ANKFN1: variants seen among roughly 807,000 people sequenced by gnomAD.
The protein encoded by ANKFN1 is ankyrin repeat and fibronectin type III domain containing 1, also known as ankyrin repeat and fibronectin type-III domain-containing protein 1.
In ANKFN1, 74 loss-of-function variants were observed where a neutral mutation model predicts 108.7. That is an observed-to-expected ratio of 0.68 (90% CI 0.56 to 0.83). ANKFN1 has a LOEUF of 0.83. Among genes scored for constraint, ANKFN1 ranks in the 40% least tolerant of loss-of-function variants. ANKFN1 has a pLI of 0.00. For missense variants in ANKFN1, 1,505 were observed against 1,382.3 expected, an observed-to-expected ratio of 1.09 and a Z score of -1.41; for synonymous variants, 547 against 516.2, an observed-to-expected ratio of 1.06 and a Z score of -0.81.
chr17:56,365,679 T>G (rs950881687), intron 6 of ANKFN1, among the ~76,000 whole-genome samples: 8 of 152,176 alleles, frequency 5.3e-5, no homozygotes. Flanking sequence ...CCCATAAAAT[T>G]ATAAGGCAGC....
At chr17:56,095,145 A>G (rs1331704125) in intron 4 of ANKFN1, among the ~76,000 whole-genome samples, 1 of 151,066 alleles carries the variant, frequency 6.6e-6, no homozygotes. Flanking sequence ...CTACATCAAC[A>G]CTTGCCCAAA....
At chr17:56,388,629 TC>T (rs2047342543) in intron 8 of ANKFN1, among the ~76,000 whole-genome samples, 1 of 152,206 alleles carries the variant, frequency 6.6e-6, no homozygotes, top group South Asian at 2.1e-4. Flanking sequence ...TGATTATATT[TC>T]CTTTTCCATG....
At chr17:56,087,895 C>T (rs9902097) in intron 4 of ANKFN1, among the ~76,000 whole-genome samples, 7,066 of 151,212 alleles carry the variant, frequency 0.047, 716 homozygotes, top group African/African-American at 0.16. Context: ...AGTTTGCTGA[C>T]CTCTTCCCTG....
intron 3 of ANKFN1, among the ~76,000 whole-genome samples, chr17:56,309,199 A>G (rs1437602805): frequency 1.3e-5 from 2 of 152,062 alleles, no homozygotes; most frequent in African/African-American, 2.4e-5. Context: ...ACTTTTTTTG[A>G]TGTTTCTAAA....
chr17:56,515,276 T>A lies in ANKFN1; in HGVS notation c.*4007T>A, dbSNP rs1363632904. ...CTTGGTATATGTGCTTATTAAGCTATCACATACCAATTAGAGAAGGTAGCT... is the reference window on the plus strand; with the variant it reads ...CTTGGTATATGTGCTTATTAAGCTAACACATACCAATTAGAGAAGGTAGCT... On this transcript the variant is annotated 3_prime_UTR_variant, in exon 21 of 21. Coordinates refer to ENST00000682825, the MANE Select transcript of ANKFN1 (RefSeq NM_001370326.1). Among the ~76,000 whole-genome samples the A allele has an allele frequency of 6.6e-6, 1 of 152,170 alleles. No individual in the cohort carries two copies. Among genetic ancestry groups the A allele is most frequent in the Admixed American group, 6.5e-5 (1 of 15,280 alleles).
rs539278339 is a variant in ANKFN1, at chr17:56,408,172, G to A, written c.911-32155G>A. ...TTGGTCTTGAATTCCCAACCTCAGG[G>A]GATCTGCCCACCTCGGCCTCCCAAA... On this transcript the variant is annotated intron_variant, in intron 8 of 20. Coordinates refer to ENST00000682825, the MANE Select transcript of ANKFN1 (RefSeq NM_001370326.1). Among the ~76,000 whole-genome samples, 7 of 151,910 alleles carry A rather than the reference G, an allele frequency of 4.6e-5. No homozygotes were observed. The East Asian group carries it at 1.4e-3, about 29-fold the overall frequency.
rs1399431507 is a variant in ANKFN1, at chr17:56,326,227, A to G, written c.60A>G (p.Gly20=). 1 of 1,611,970 alleles carries G rather than the reference A, an allele frequency of 6.2e-7. No homozygotes were observed. The highest frequency in any genetic ancestry group is 8.5e-7 in the Non-Finnish European group (1 of 1,179,206). The part of the protein sequence containing the change: ...DRHFTCSKII[G]RRFACFAQRL... ...CATTTTATTCTTTACACAGAATAGG[A>G]AGGAGATTCGCTTGCTTTGCACAGA... The change falls in exon 4 of 21, where the codon GGA becomes GGG. Residue 20 remains glycine, a synonymous_variant. Transcript: ENST00000682825.
intron 6 of ANKFN1, among the ~76,000 whole-genome samples, chr17:56,370,067 T>G (rs765834411): frequency 1.3e-5 from 2 of 152,198 alleles, no homozygotes; most frequent in Non-Finnish European, 2.9e-5. Context: ...TCATATTGTG[T>G]TTTTAGAGGT....
chr17:56,060,829 T>G (rs1251937912), intron 4 of ANKFN1, among the ~76,000 whole-genome samples: 1 of 152,254 alleles, frequency 6.6e-6, no homozygotes, highest in Non-Finnish European at 1.5e-5. Flanking sequence ...GGATTCAGTT[T>G]GCCAGTATTT....
chr17:56,509,082 A>G (rs920628035), intron 20 of ANKFN1, among the ~76,000 whole-genome samples: 1 of 152,216 alleles, frequency 6.6e-6, no homozygotes, highest in African/African-American at 2.4e-5. Context: ...TTTTATTGGT[A>G]GCCATTATTT....
At chr17:56,194,228 C>T (rs557375433) in intron 1 of ANKFN1, among the ~76,000 whole-genome samples, 1 of 152,316 alleles carries the variant, frequency 6.6e-6, no homozygotes, top group African/African-American at 2.4e-5. Context: ...ACCGAACATA[C>T]TTTTGCTGTA....
rs28502768 is a variant in ANKFN1, at chr17:56,514,929, G to A, written c.*3660G>A. Reference sequence around the variant, plus strand: ...TTGTTATCCTGCCACACAAATGTGCGCCCTGGTGAGTTTGGAGCTCTTCCC... The same window carrying A: ...TTGTTATCCTGCCACACAAATGTGCACCCTGGTGAGTTTGGAGCTCTTCCC... On this transcript the variant is annotated 3_prime_UTR_variant, in exon 21 of 21. Transcript: ENST00000682825. Among the ~76,000 whole-genome samples, 22 of 152,006 alleles carry A rather than the reference G, an allele frequency of 1.4e-4. No individual in the cohort carries two copies. The highest frequency in any genetic ancestry group is 1.4e-3 in the East Asian group (7 of 5,160).
chr17:56,467,795 A>AAAGAAAG (rs1568026364), intron 15 of ANKFN1, among the ~76,000 whole-genome samples: 56 of 17,650 alleles, frequency 3.2e-3, no homozygotes, highest in Middle Eastern at 0.031. Flanking sequence ...AAGAAAGAAG[A>AAAGAAAG]AAGAAAGAAA....
chr17:56,516,157 T>C lies in ANKFN1; in HGVS notation c.*4888T>C, dbSNP rs935635873. ...TGTGGCAAATTATAGTAAGTCACTCTGAGTCGCTGTATTGCCTCTTGCCTT... is the reference window on the plus strand; with the variant it reads ...TGTGGCAAATTATAGTAAGTCACTCCGAGTCGCTGTATTGCCTCTTGCCTT... On this transcript the variant is annotated 3_prime_UTR_variant, in exon 21 of 21. Coordinates refer to ENST00000682825, the MANE Select transcript of ANKFN1 (RefSeq NM_001370326.1). Among the ~76,000 whole-genome samples the C allele has an allele frequency of 3.9e-5, 6 of 152,178 alleles. No homozygotes were observed. Among genetic ancestry groups the C allele is most frequent in the African/African-American group, 7.2e-5 (3 of 41,444 alleles).
intron 1 of ANKFN1, among the ~76,000 whole-genome samples, chr17:56,158,146 C>G (rs1909287942): frequency 6.6e-6 from 1 of 152,150 alleles, no homozygotes; most frequent in East Asian, 1.9e-4. Context: ...ATTTGAACAC[C>G]ATGGACTCGG....
intron 1 of ANKFN1, among the ~76,000 whole-genome samples, chr17:56,171,806 G>A (rs1466797127): frequency 6.6e-6 from 1 of 152,144 alleles, no homozygotes; most frequent in Non-Finnish European, 1.5e-5. Context: ...ACAAGTGATT[G>A]CAATGCAAAC....
At chr17:56,131,407 G>T (rs555506283) in intron 4 of ANKFN1, among the ~76,000 whole-genome samples, 2 of 152,154 alleles carry the variant, frequency 1.3e-5, no homozygotes, top group African/African-American at 2.4e-5. Context: ...GAAAGTTTGC[G>T]TGAAGCACTT....
intron 4 of ANKFN1, among the ~76,000 whole-genome samples, chr17:56,341,017 A>AC (rs1028679434): frequency 1.3e-3 from 198 of 151,674 alleles, no homozygotes; most frequent in African/African-American, 4.6e-3. Context: ...GAGATCTTTC[A>AC]CCCCCCTAGT....
chr17:56,385,579 T>A (rs867485416), intron 8 of ANKFN1, among the ~76,000 whole-genome samples: 10 of 152,172 alleles, frequency 6.6e-5, no homozygotes, highest in South Asian at 4.1e-4. Context: ...CATCTGACAA[T>A]GGGCTAATAT....
Sources: allele counts gnomAD v4.1 joint callset (sites outside exome capture counted in the v4.1 genomes callset), GRCh38; gene constraint gnomAD v4.1.1; transcripts MANE v1.5; gene names NCBI Gene and HGNC (gene_info 2026-07-23, HGNC 2026-07-21).